SCNN1A: variants seen among roughly 807,000 people sequenced by gnomAD.
SCNN1A encodes sodium channel epithelial 1 subunit alpha.
Under a neutral mutation model 68.6 loss-of-function variants are expected in SCNN1A, and 65 were observed. That is an observed-to-expected ratio of 0.95 (90% CI 0.78 to 1.16). The LOEUF (loss-of-function observed/expected upper bound fraction) is 1.16. SCNN1A is among the 50% of genes most tolerant of loss of function. The pLI, the probability that SCNN1A is intolerant of heterozygous loss-of-function variation, is 0.00. For missense variants in SCNN1A, 880 were observed against 865.9 expected, an observed-to-expected ratio of 1.02 and a Z score of -0.20; for synonymous variants, 357 against 353.3, an observed-to-expected ratio of 1.01 and a Z score of -0.12.
At chr12:6,375,279 T>C (rs1197798387) in intron 1 of SCNN1A, 14 of 1,438,184 alleles carry the variant, frequency 9.7e-6, no homozygotes, top group African/African-American at 5.7e-5. Context: ...TCTCTAATCC[T>C]GCCTCTCTTC....
chr12:6,348,399 T>C, intron 12 of SCNN1A, 146 bp from the exon 13 acceptor site: 1 of 1,486,872 alleles, frequency 6.7e-7, no homozygotes, highest in South Asian at 1.2e-5. Context: ...CCCCCTGGGC[T>C]CTTTGTCTCT....
intron 5 of SCNN1A, 132 bp from the exon 6 acceptor site, chr12:6,355,567 A>T (rs774679261): frequency 8.6e-7 from 1 of 1,168,320 alleles, no homozygotes; most frequent in Non-Finnish European, 1.2e-6. Context: ...AGACCCGCAA[A>T]GGGACCTGGC....
intron 2 of SCNN1A, among the ~76,000 whole-genome samples, chr12:6,373,243 T>A (rs562146362): frequency 6.6e-6 from 1 of 151,826 alleles, no homozygotes; most frequent in East Asian, 1.9e-4. Context: ...GCATGACCAA[T>A]CCCCAGCATC....
Position 6,348,164 on chromosome 12 carries a change from GA to G in SCNN1A, c.1718del (p.Val573AlafsTer33). ...GGAACATGATGACCAGCAGGTCAAA[GA>G]CGAGCTCAGCCATCTCCACCACAGA... ...VLSVVEMAELVFDLLVIMFLM... is the reference protein window; with the variant it reads ...VLSVVEMAELXFDLLVIMFLM... On this transcript the variant is annotated frameshift_variant, in exon 13 of 13. Transcript: ENST00000228916. LOFTEE classifies it low-confidence loss of function (END_TRUNC). 1 of 1,614,164 alleles carries G rather than the reference GA, an allele frequency of 6.2e-7. No homozygotes were observed. Among genetic ancestry groups the G allele is most frequent in the Non-Finnish European group, 8.5e-7 (1 of 1,180,032 alleles).
intron 2 of SCNN1A, among the ~76,000 whole-genome samples, chr12:6,373,985 A>G (rs1444006715): frequency 6.6e-6 from 1 of 152,124 alleles, no homozygotes; most frequent in Non-Finnish European, 1.5e-5. Context: ...GCTGAGGTGG[A>G]CGAGGTCTTA....
chr12:6,352,786 C>A (rs950535598), intron 8 of SCNN1A, among the ~76,000 whole-genome samples: 1 of 152,236 alleles, frequency 6.6e-6, no homozygotes, highest in Non-Finnish European at 1.5e-5. Flanking sequence ...AAGAGAACTG[C>A]GGAGCCAGCC....
Position 6,347,692 on chromosome 12 carries a change from C to T in SCNN1A, c.*181G>A, listed in dbSNP as rs1184655696. The stretch of plus-strand genomic sequence containing the variant: ...GAGCCAAGGCACTTCTGGGCAGCTT[C>T]ATCAGCTACTGTTCTTGGAGCAACT... On this transcript the variant is annotated 3_prime_UTR_variant, in exon 13 of 13. Coordinates refer to ENST00000228916, the MANE Select transcript of SCNN1A (RefSeq NM_001038.6). 3 of 643,562 alleles carry T rather than the reference C, an allele frequency of 4.7e-6. No individual in the cohort carries two copies. The highest frequency in any genetic ancestry group is 3.6e-5 in the African/African-American group (2 of 55,672). 39.9% of individuals were successfully genotyped at this position (643,562 alleles called of 1,614,324 possible).
Position 6,347,876 on chromosome 12 carries a change from G to A in SCNN1A, c.2007C>T (p.Pro669=). The part of the protein sequence containing the change: ...ASSSTCPLGG[P] ...GTGAGAAACCTCTCCTTCCCTCTCAGGGCCCCCCCAGAGGACAGGTGGAGG... is the reference window on the plus strand; with the variant it reads ...GTGAGAAACCTCTCCTTCCCTCTCAAGGCCCCCCCAGAGGACAGGTGGAGG... The change falls in exon 13 of 13, where the codon CCC becomes CCT. Residue 669 remains proline (P), a synonymous_variant. Coordinates refer to ENST00000228916, the MANE Select transcript of SCNN1A (RefSeq NM_001038.6). 6.2e-7 allele frequency: 1 copy of A among 1,601,442 alleles called. No individual in the cohort carries two copies. Among genetic ancestry groups the A allele is most frequent in the Non-Finnish European group, 8.5e-7 (1 of 1,174,370 alleles).
chr12:6,369,464 C>CA (rs1207170731), intron 2 of SCNN1A, among the ~76,000 whole-genome samples: 1 of 152,108 alleles, frequency 6.6e-6, no homozygotes, highest in Non-Finnish European at 1.5e-5. Flanking sequence ...ACAAGGCCTC[C>CA]AGAGGAGGCT....
At position 6,363,431 on chromosome 12, in the gene SCNN1A, T is replaced by C; in HGVS notation, c.684+12A>G. 2 of 1,540,490 alleles carry C rather than the reference T, an allele frequency of 1.3e-6. No individual in the cohort carries two copies. Among genetic ancestry groups the C allele is most frequent in the Non-Finnish European group, 1.7e-6 (2 of 1,144,400 alleles). ...AGGGGCGGGGCGGGCCCCTCGGCGC[T>C]GCGGGCCTCACCAGCTGGAAGCCGA... is the stretch of plus-strand genomic sequence containing the variant. On this transcript the variant is annotated intron_variant, in intron 3 of 12. Coordinates refer to ENST00000228916, the MANE Select transcript of SCNN1A (RefSeq NM_001038.6).
At chr12:6,369,557 G>A (rs1948748503) in intron 2 of SCNN1A, among the ~76,000 whole-genome samples, 1 of 152,192 alleles carries the variant, frequency 6.6e-6, no homozygotes, top group South Asian at 2.1e-4. Context: ...GAATGGCCGG[G>A]CGCGGTGGCT....
intron 2 of SCNN1A, among the ~76,000 whole-genome samples, chr12:6,367,654 A>G (rs1332688763): frequency 6.6e-6 from 1 of 152,226 alleles, no homozygotes; most frequent in Non-Finnish European, 1.5e-5. Context: ...GCACCGGGTA[A>G]TGGGAGTGTT....
chr12:6,359,534 C>G (rs1948548916), intron 4 of SCNN1A, among the ~76,000 whole-genome samples: 1 of 152,122 alleles, frequency 6.6e-6, no homozygotes, highest in Non-Finnish European at 1.5e-5. Flanking sequence ...GCCCTCCTCA[C>G]AGTAATGAGT....
chr12:6,357,239 C>T (rs1270179488), intron 4 of SCNN1A, among the ~76,000 whole-genome samples: 5 of 151,986 alleles, frequency 3.3e-5, no homozygotes, highest in South Asian at 2.1e-4. Context: ...GTTCCATCAG[C>T]GGTGGAGAAA....
At chr12:6,369,833 CAA>C (rs397850777) in intron 2 of SCNN1A, among the ~76,000 whole-genome samples, 2,813 of 93,524 alleles carry the variant, frequency 0.03, 61 homozygotes, top group East Asian at 0.12. Flanking sequence ...GACTCTGTCT[CAA>C]AAAAAAAAAA....
At position 6,355,361 on chromosome 12, in the gene SCNN1A, T is replaced by C. The variant is rs1948477141; in HGVS notation, c.1054A>G (p.Met352Val). Residue 352 changes from methionine (M) to valine (V), a missense_variant, in exon 6 of 13, where the codon ATG becomes GTG. Coordinates refer to ENST00000228916, the MANE Select transcript of SCNN1A (RefSeq NM_001038.6). ...LLSTVTGARV[M>V]VHGQDEPAFM... ...GCAGGTTCATCCTGCCCGTGCACCATTACCCGGGCCCCAGTCACTGTGGAC... is the reference window on the plus strand; with the variant it reads ...GCAGGTTCATCCTGCCCGTGCACCACTACCCGGGCCCCAGTCACTGTGGAC... 1.9e-6 allele frequency: 3 copies of C among 1,613,702 alleles called. No individual in the cohort carries two copies. The highest frequency in any genetic ancestry group is 2.5e-6 in the Non-Finnish European group (3 of 1,179,766).
At chr12:6,355,002 C>G (rs1295199216) in intron 6 of SCNN1A, among the ~76,000 whole-genome samples, 154 bp from the exon 7 acceptor site, 1 of 152,072 alleles carries the variant, frequency 6.6e-6, no homozygotes, top group Non-Finnish European at 1.5e-5. Context: ...CCATGCCCAC[C>G]CACTGCTCAT....
chr12:6,377,251 C>A, upstream of SCNN1A: 1 of 1,550,958 alleles, frequency 6.4e-7, no homozygotes, highest in Non-Finnish European at 8.7e-7. Context: ...CCCTTGCTTA[C>A]CTTGATACTG....
rs1297844573 is a variant in SCNN1A at position 6,372,510 on chromosome 12, G to T, written c.416+1858C>A. Among the ~76,000 whole-genome samples, 1 of 152,234 alleles carries T rather than the reference G, an allele frequency of 6.6e-6. No homozygotes were observed. The highest frequency in any genetic ancestry group is 1.5e-5 in the Non-Finnish European group (1 of 68,048). ...GCCTCCCAGCCTGCAGGCCCCAGAG[G>T]CAGGGCTTATGGCTTCCTTTCCCCG... On this transcript the variant is annotated intron_variant, in intron 2 of 12. Coordinates refer to ENST00000228916, the MANE Select transcript of SCNN1A (RefSeq NM_001038.6). This position sits in a 1 kb window ranked among gnomAD's most constrained non-coding sequence, Gnocchi z 5.8.
Sources: allele counts gnomAD v4.1 joint callset (sites outside exome capture counted in the v4.1 genomes callset), GRCh38; gene constraint gnomAD v4.1.1; non-coding constraint Gnocchi (gnomAD v3.1); transcripts MANE v1.5; gene names NCBI Gene and HGNC (gene_info 2026-07-23, HGNC 2026-07-21).